MMACHC: variants seen among roughly 807,000 people sequenced by gnomAD.
MMACHC encodes cyanocobalamin reductase / alkylcobalamin dealkylase.
MMACHC carries 14 observed loss-of-function variants against 17.6 expected under a neutral mutation model. The observed-to-expected ratio is 0.80, with a 90% CI of 0.53 to 1.25. MMACHC has a LOEUF of 1.25. Among genes scored for constraint, MMACHC ranks in the 50% most tolerant of loss-of-function variants. MMACHC has a pLI of 0.00. For missense variants in MMACHC, 392 were observed against 364.5 expected (o/e 1.08, Z -0.62); for synonymous variants, 151 against 142.1 (o/e 1.06, Z -0.45).
intron 1 of MMACHC, among the ~76,000 whole-genome samples, chr1:45,505,639 C>T (rs1308777263): frequency 6.6e-5 from 10 of 151,810 alleles, no homozygotes; most frequent in Non-Finnish European, 1.5e-5. Context: ...CCCGGTGGCT[C>T]ACGCCTGTAA....
intron 1 of MMACHC, among the ~76,000 whole-genome samples, chr1:45,503,225 C>T (rs915430144): frequency 6.6e-6 from 1 of 151,862 alleles, no homozygotes; most frequent in African/African-American, 2.4e-5. Context: ...ATGGTGAAAT[C>T]CCGTCTCTAC....
Position 45,500,364 on chromosome 1 carries a change from A to C in MMACHC, c.32A>C (p.Lys11Thr). Residue 11 changes from lysine (K) to threonine (T), a missense_variant, in exon 1 of 4, where the codon AAG (lysine) becomes ACG (threonine). Physicochemically the swap from Lys to Thr is moderately conservative, Grantham distance 78 (BLOSUM62 -1). Coordinates refer to ENST00000401061, the MANE Select transcript of MMACHC (RefSeq NM_015506.3). The stretch of plus-strand genomic sequence containing the variant: ...CCGAAAGTCGCAGAGCTGAAGCAGA[A>C]GATCGAGGACACGCTATGTCCTTTT... MEPKVAELKQ[K>T]IEDTLCPFGF... 1.9e-6 allele frequency: 3 copies of C among 1,614,204 alleles called. No individual in the cohort carries two copies. Among genetic ancestry groups the C allele is most frequent in the Non-Finnish European group, 2.5e-6 (3 of 1,180,030 alleles).
In MMACHC at chr1:45,511,413, C is replaced by T. The variant is rs1643741458; in HGVS notation, c.*2198C>T. On this transcript the variant is annotated 3_prime_UTR_variant, in exon 4 of 4. Coordinates refer to ENST00000401061, the MANE Select transcript of MMACHC (RefSeq NM_015506.3). Reference sequence around the variant, plus strand: ...TGCCAGGTTTCCAGCCAGCTGGGCACACTGCAAGAGAAAGGCACCACTAAT... The same window carrying T: ...TGCCAGGTTTCCAGCCAGCTGGGCATACTGCAAGAGAAAGGCACCACTAAT... 1 of 1,612,326 alleles carries T rather than the reference C, an allele frequency of 6.2e-7. No individual in the cohort carries two copies. The highest frequency in any genetic ancestry group is 8.5e-7 in the Non-Finnish European group (1 of 1,179,194).
At chr1:45,507,332 C>T (rs1570829389) in intron 1 of MMACHC, 24 bp from the exon 2 acceptor site, 1 of 1,613,192 alleles carries the variant, frequency 6.2e-7, no homozygotes, top group East Asian at 2.2e-5. Context: ...CCCTCTCCAG[C>T]CTGGCCTGAA....
rs1643733616 is a variant in MMACHC, at chr1:45,511,065, TA to T, written c.*1852del. The T allele has an allele frequency of 3.2e-6, 1 of 316,204 alleles. No individual in the cohort carries two copies. Among genetic ancestry groups the T allele is most frequent in the Non-Finnish European group, 5.7e-6 (1 of 174,342 alleles). 19.6% of individuals were successfully genotyped at this position (316,204 alleles called of 1,614,324 possible). ...ACTCATCAAGGTCTCAGTTCAAGTT[TA>T]ATACAAACTACAAAAGATTAATGGG... On this transcript the variant is annotated 3_prime_UTR_variant, in exon 4 of 4. Coordinates refer to ENST00000401061, the MANE Select transcript of MMACHC (RefSeq NM_015506.3).
Position 45,511,255 on chromosome 1 carries a change from G to GA in MMACHC, c.*2040_*2041insA. On this transcript the variant is annotated 3_prime_UTR_variant, in exon 4 of 4. Coordinates refer to ENST00000401061, the MANE Select transcript of MMACHC (RefSeq NM_015506.3). ...ATCTGAAGTCTTGTGTTTTACTAAT[G>GA]GAAAAAAAAAATACAGAAGAGGTTT... is the stretch of plus-strand genomic sequence containing the variant. The GA allele has an allele frequency of 1.5e-6, 2 of 1,298,730 alleles. No homozygotes were observed. Among genetic ancestry groups the GA allele is most frequent in the Non-Finnish European group, 2.1e-6 (2 of 938,866 alleles). The allele number at this position is 1,298,730 out of a possible 1,614,324, so 80.5% of individuals were successfully genotyped here.
intron 1 of MMACHC, among the ~76,000 whole-genome samples, chr1:45,506,402 TA>T (rs1643620517): frequency 3.9e-5 from 6 of 152,234 alleles, no homozygotes; most frequent in Admixed American, 3.9e-4. Context: ...TGACTGTTCC[TA>T]TGCCCTCATG....
intron 1 of MMACHC, among the ~76,000 whole-genome samples, chr1:45,502,292 C>CA (rs1643558068): frequency 6.6e-6 from 1 of 152,164 alleles, no homozygotes; most frequent in African/African-American, 2.4e-5. Flanking sequence ...TATTTAGAGA[C>CA]AAAGTCTCAC....
chr1:45,504,792 T>G (rs556014956), intron 1 of MMACHC, among the ~76,000 whole-genome samples: 1 of 152,284 alleles, frequency 6.6e-6, no homozygotes, highest in African/African-American at 2.4e-5. Context: ...GCCTCTTTGG[T>G]AGCATCAGTT....
chr1:45,509,049 C>T lies in MMACHC; in HGVS notation c.683C>T (p.Ala228Val), dbSNP rs201269886. Residue 228 changes from alanine to valine, a missense_variant, in exon 4 of 4, where the codon GCC (alanine) becomes GTC (valine). Transcript: ENST00000401061. ...EQKAYFSTPPAQRLALLGLAQ... is the reference protein window; with the variant it reads ...EQKAYFSTPPVQRLALLGLAQ... ...AAGGCCTACTTCTCCACTCCACCTG[C>T]CCAACGATTGGCCCTATTGGGCTTG... The T allele has an allele frequency of 4.0e-5, 64 of 1,614,054 alleles. No individual in the cohort carries two copies. In the East Asian group the frequency reaches 1.2e-3, roughly 30 times the overall value.
chr1:45,502,391 TC>T (rs1177093144), intron 1 of MMACHC, among the ~76,000 whole-genome samples: 2 of 152,000 alleles, frequency 1.3e-5, no homozygotes, highest in African/African-American at 4.8e-5. Context: ...CACTTTAGTC[TC>T]CCAAGTAGCT....
rs1249948465 is a variant in MMACHC at position 45,508,856 on chromosome 1, GTGC to G, written c.497_499del (p.Leu166del). The G allele has an allele frequency of 1.2e-6, 2 of 1,614,194 alleles. No individual in the cohort carries two copies. Among genetic ancestry groups the G allele is most frequent in the Non-Finnish European group, 1.7e-6 (2 of 1,180,026 alleles). On this transcript the variant is annotated inframe_deletion, in exon 4 of 4. Coordinates refer to ENST00000401061, the MANE Select transcript of MMACHC (RefSeq NM_015506.3). ...GGGCTGGTTTGCCATCCGAGGGGTAGTGCTGCTGCCAGGGATAGAGGTGCCAGA... is the reference window on the plus strand; with the variant it reads ...GGGCTGGTTTGCCATCCGAGGGGTAGTGCTGCCAGGGATAGAGGTGCCAGA...
chr1:45,500,971 T>A (rs2149321296), intron 1 of MMACHC, among the ~76,000 whole-genome samples: 1 of 151,832 alleles, frequency 6.6e-6, no homozygotes, highest in South Asian at 2.1e-4. Context: ...CGTGTGTGGC[T>A]CAGATTGTCA....
intron 1 of MMACHC, among the ~76,000 whole-genome samples, chr1:45,507,058 C>A (rs933585404): frequency 6.6e-6 from 1 of 151,982 alleles, no homozygotes; most frequent in Admixed American, 6.5e-5. Context: ...CCCAGCTGCT[C>A]GGGAGGCTGA....
At chr1:45,503,055 G>A (rs540351133) in intron 1 of MMACHC, among the ~76,000 whole-genome samples, 160 of 152,182 alleles carry the variant, frequency 1.1e-3, no homozygotes, top group Non-Finnish European at 1.9e-3. Context: ...CCCTGTCATT[G>A]CACTAGCTAT....
chr1:45,501,873 A>G (rs1200137497), intron 1 of MMACHC, among the ~76,000 whole-genome samples: 1 of 152,028 alleles, frequency 6.6e-6, no homozygotes, highest in East Asian at 1.9e-4. Flanking sequence ...ACCAAGACCT[A>G]TAAGACTGTC....
intron 1 of MMACHC, among the ~76,000 whole-genome samples, chr1:45,501,016 G>A (rs1250522256): frequency 6.6e-6 from 1 of 152,128 alleles, no homozygotes; most frequent in African/African-American, 2.4e-5. Context: ...GGACCTGTGA[G>A]GCAAAGTCAC....
rs1553163324 is a variant in MMACHC at position 45,511,423 on chromosome 1, G to A, written c.*2208G>A. 6.2e-7 allele frequency: 1 copy of A among 1,609,764 alleles called. No individual in the cohort carries two copies. The highest frequency in any genetic ancestry group is 1.7e-5 in the Admixed American group (1 of 59,466). On this transcript the variant is annotated 3_prime_UTR_variant, in exon 4 of 4. Transcript: ENST00000401061. ...CCAGCCAGCTGGGCACACTGCAAGA[G>A]AAAGGCACCACTAATTAATAACCTT...
rs985495914 is a variant in MMACHC at position 45,501,890 on chromosome 1, A to T, written c.81+1477A>T. Among the ~76,000 whole-genome samples, 12 of 151,982 alleles carry T rather than the reference A, an allele frequency of 7.9e-5. No homozygotes were observed. In the East Asian group the frequency reaches 2.3e-3, roughly 29 times the overall value. On this transcript the variant is annotated intron_variant, in intron 1 of 3. Coordinates refer to ENST00000401061, the MANE Select transcript of MMACHC (RefSeq NM_015506.3). ...CAAGACCTATAAGACTGTCTACTGA[A>T]TCTCCCAAATCCATTCCCTTGTATT...
Sources: gnomAD v4.1 joint callset for allele counts (sites outside exome capture counted in the v4.1 genomes callset) on GRCh38, gnomAD v4.1.1 for gene constraint, MANE v1.5 for transcripts, NCBI Gene and HGNC (gene_info 2026-07-23, HGNC 2026-07-21) for gene names.